Variants in ERI3 observed in about 807,000 individuals in gnomAD.
ERI3 encodes the protein ERI1 exoribonuclease 3.
A neutral mutation model predicts 44.4 loss-of-function variants in ERI3; 18 were observed. That is an observed-to-expected ratio of 0.41 (90% CI 0.28 to 0.60). The LOEUF is 0.60. ERI3 is among the 20% of genes least tolerant of loss of function. ERI3 has a pLI of 0.36. For synonymous variants in ERI3, 183 were observed against 164.8 expected (o/e 1.11, Z -0.84); for missense variants, 294 against 435.5 (o/e 0.68, Z 2.89).
intron 6 of ERI3, among the ~76,000 whole-genome samples, chr1:44,301,108 G>T (rs1645716926): frequency 6.6e-6 from 1 of 152,182 alleles, no homozygotes; most frequent in African/African-American, 2.4e-5. Context: ...GAGTGACTTG[G>T]ATTAGCTGCA....
chr1:44,255,591 C>T (rs1022859315), intron 7 of ERI3, among the ~76,000 whole-genome samples: 1 of 152,148 alleles, frequency 6.6e-6, no homozygotes, highest in Non-Finnish European at 1.5e-5. Flanking sequence ...CTTACCCCTA[C>T]TTGAGTGTCA....
chr1:44,297,444 A>G (rs1645633672), intron 6 of ERI3, among the ~76,000 whole-genome samples: 1 of 151,916 alleles, frequency 6.6e-6, no homozygotes, highest in South Asian at 2.1e-4. Context: ...GAACCCGACC[A>G]AAGAAACCTA....
chr1:44,305,235 C>T (rs1425165207), intron 6 of ERI3, among the ~76,000 whole-genome samples: 1 of 152,244 alleles, frequency 6.6e-6, no homozygotes, highest in Non-Finnish European at 1.5e-5. Flanking sequence ...GATCTTCAAG[C>T]TACAGGCTAA....
Position 44,321,994 on chromosome 1 carries a change from A to G in ERI3, c.490-2250T>C, listed in dbSNP as rs144021721. Among the ~76,000 whole-genome samples the G allele has an allele frequency of 4.4e-3, 665 of 152,334 alleles. 3 individuals carry two copies. The highest frequency in any genetic ancestry group is 0.015 in the African/African-American group (629 of 41,566). On this transcript the variant is annotated intron_variant, in intron 3 of 8. Transcript: ENST00000372257. Reference sequence around the variant, plus strand: ...AGTTGACATTCCTCTGGAAATAAAAATATCTATCAAACATTAATAGAAAAA... The same window carrying G: ...AGTTGACATTCCTCTGGAAATAAAAGTATCTATCAAACATTAATAGAAAAA...
At chr1:44,255,782 GTCAA>G (rs1644767905) in intron 7 of ERI3, among the ~76,000 whole-genome samples, 2 of 152,302 alleles carry the variant, frequency 1.3e-5, no homozygotes, top group South Asian at 4.1e-4. Flanking sequence ...AAATGTGGGA[GTCAA>G]TCTTGATTCC....
chr1:44,335,896 G>A (rs1450488199), intron 3 of ERI3, among the ~76,000 whole-genome samples: 1 of 151,912 alleles, frequency 6.6e-6, no homozygotes, highest in Non-Finnish European at 1.5e-5. Flanking sequence ...TCCTTTTGCT[G>A]TCTCTTCTGG....
intron 5 of ERI3, 77 bp from the exon 6 acceptor site, chr1:44,308,478 A>G: frequency 9.2e-7 from 1 of 1,091,172 alleles, no homozygotes; most frequent in Non-Finnish European, 1.4e-6. Flanking sequence ...AGCAAAACAC[A>G]GATAAGCTGC....
intron 7 of ERI3, among the ~76,000 whole-genome samples, chr1:44,281,399 G>A (rs1645279522): frequency 6.6e-6 from 1 of 151,614 alleles, no homozygotes. Flanking sequence ...ACCAGCCTGG[G>A]CAACATGGCA....
At chr1:44,272,010 T>TAAGA (rs1028591726) in intron 7 of ERI3, among the ~76,000 whole-genome samples, 26 of 152,326 alleles carry the variant, frequency 1.7e-4, no homozygotes, top group African/African-American at 6.0e-4. Flanking sequence ...CCTGTATGTC[T>TAAGA]ACCTGGATCT....
At chr1:44,342,811 T>TAA (rs1553201328) in intron 2 of ERI3, among the ~76,000 whole-genome samples, 11 of 70,884 alleles carry the variant, frequency 1.6e-4, no homozygotes, top group African/African-American at 6.0e-4. Flanking sequence ...CACATCCAGC[T>TAA]AATATATATA....
chr1:44,331,030 C>T (rs1221477586), intron 3 of ERI3, among the ~76,000 whole-genome samples: 2 of 152,136 alleles, frequency 1.3e-5, no homozygotes, highest in Non-Finnish European at 2.9e-5. Context: ...TTCACTTCCC[C>T]CACTGTCCCC....
rs1646978162 is a variant in ERI3 at position 44,355,223 on chromosome 1, G to A, written c.-197C>T. The A allele has an allele frequency of 2.5e-6, 3 of 1,186,452 alleles. No homozygotes were observed. The highest frequency in any genetic ancestry group is 3.4e-4 in the Middle Eastern group (1 of 2,944). 73.5% of individuals were successfully genotyped at this position (1,186,452 alleles called of 1,614,324 possible). ...CCCGTTCCCGGCCGCCTGAACAGCG[G>A]CAGCCAGCACCACGAGTCCACAACA... is the stretch of plus-strand genomic sequence containing the variant. On this transcript the variant is annotated 5_prime_UTR_variant, in exon 1 of 9. Transcript: ENST00000372257.
At chr1:44,284,597 G>A (rs325166) in intron 7 of ERI3, among the ~76,000 whole-genome samples, 40,766 of 152,050 alleles carry the variant, frequency 0.27, 5,652 homozygotes, top group South Asian at 0.41. Flanking sequence ...CCTGTCTGGG[G>A]GACACCAACT....
intron 3 of ERI3, among the ~76,000 whole-genome samples, chr1:44,335,228 A>G (rs1646508136): frequency 6.6e-6 from 1 of 152,140 alleles, no homozygotes; most frequent in African/African-American, 2.4e-5. Flanking sequence ...CCATAGTCCC[A>G]GCTACTTGGT....
At chr1:44,323,152 T>C (rs1401961983) in intron 3 of ERI3, 4 of 299,080 alleles carry the variant, frequency 1.3e-5, no homozygotes, top group Non-Finnish European at 2.5e-5. Context: ...CCTATCCTAA[T>C]AATAGCTTTA....
chr1:44,300,536 G>A (rs958299425), intron 6 of ERI3, among the ~76,000 whole-genome samples: 3 of 152,310 alleles, frequency 2.0e-5, no homozygotes, highest in Admixed American at 2.0e-4. Context: ...GAAGGACATG[G>A]GGTGAGACGC....
At chr1:44,231,265 T>C (rs1572063449) in intron 8 of ERI3, among the ~76,000 whole-genome samples, 1 of 152,332 alleles carries the variant, frequency 6.6e-6, no homozygotes, top group Admixed American at 6.5e-5. Flanking sequence ...TTTCAGATTA[T>C]GGATGCCTAA....
Position 44,339,267 on chromosome 1 carries a change from T to C in ERI3, c.267A>G (p.Arg89=). ...CTCTTGAAAGTAAATACGAAGAAAA[T>C]CGAGCTGCTCCAGTCTGTAAAGGTG... ...MLAPLQTGAA[R]FSSYLLSRAR... is the part of the protein sequence containing the mutation. Residue 89 remains arginine, a synonymous_variant, in exon 3 of 9, where the codon CGA becomes CGG. Coordinates refer to ENST00000372257, the MANE Select transcript of ERI3 (RefSeq NM_024066.3). 1 of 1,603,996 alleles carries C rather than the reference T, an allele frequency of 6.2e-7. No individual in the cohort carries two copies. Among genetic ancestry groups the C allele is most frequent in the East Asian group, 2.2e-5 (1 of 44,566 alleles).
At chr1:44,222,678 G>C (rs1041700885) in intron 8 of ERI3, among the ~76,000 whole-genome samples, 4 of 152,076 alleles carry the variant, frequency 2.6e-5, no homozygotes, top group African/African-American at 9.7e-5. Context: ...GAGTGCCTGA[G>C]TTTTTCTGTT....
Sources: gnomAD v4.1 joint callset for allele counts (sites outside exome capture counted in the v4.1 genomes callset) on GRCh38, gnomAD v4.1.1 for gene constraint, MANE v1.5 for transcripts, NCBI Gene and HGNC (gene_info 2026-07-23, HGNC 2026-07-21) for gene names.